PLD1: variants seen among roughly 807,000 people sequenced by gnomAD.
PLD1 encodes the protein phospholipase D1, also known as choline phosphatase 1.
Under a neutral mutation model 137.1 loss-of-function variants are expected in PLD1, and 112 were observed. That is an observed-to-expected ratio of 0.82 (90% CI 0.70 to 0.96). The LOEUF is 0.96. PLD1 is among the 40% of genes least tolerant of loss of function. PLD1 has a pLI of 0.00. For missense variants in PLD1, 1,321 were observed against 1,342.0 expected (o/e 0.98, Z 0.24); for synonymous variants, 431 against 454.7 (o/e 0.95, Z 0.66).
At chr3:171,764,161 G>A (rs930535994) in intron 1 of PLD1, among the ~76,000 whole-genome samples, 8 of 152,056 alleles carry the variant, frequency 5.3e-5, no homozygotes, top group African/African-American at 1.7e-4. Flanking sequence ...TTTTAGTAGA[G>A]ATGGAGTTTC....
At chr3:171,659,458 C>T (rs940316783) in intron 20 of PLD1, among the ~76,000 whole-genome samples, 157 bp from the exon 21 acceptor site, 3 of 152,120 alleles carry the variant, frequency 2.0e-5, no homozygotes, top group East Asian at 1.9e-4. Flanking sequence ...GAAAAAAAGC[C>T]GCCTCATCTC....
At chr3:171,740,248 AC>A (rs932948969) in intron 1 of PLD1, among the ~76,000 whole-genome samples, 1 of 151,334 alleles carries the variant, frequency 6.6e-6, no homozygotes, top group African/African-American at 2.5e-5. Context: ...ATGTTTTCTA[AC>A]CTGGATAACT....
Position 171,662,096 on chromosome 3 carries a change from A to G in PLD1, c.2304T>C (p.His768=), listed in dbSNP as rs1393312316. Residue 768 remains histidine, a synonymous_variant, in exon 20 of 27, where the codon CAT becomes CAC. Transcript: ENST00000351298. ...HEESIHAAYV[H]VIENSRHYIY... ...TATAGTGCCTGCTGTTCTCTATCAC[A>G]TGGACGTAAGCGGCGTGGATGGACT... 5 of 1,612,754 alleles carry G rather than the reference A, an allele frequency of 3.1e-6. No individual in the cohort carries two copies. In the Admixed American group the frequency reaches 5.0e-5, roughly 16 times the overall value.
intron 1 of PLD1, among the ~76,000 whole-genome samples, chr3:171,764,879 GAAA>G (rs1292507139): frequency 0.048 from 1,184 of 24,720 alleles, 141 homozygotes; most frequent in African/African-American, 0.074. Flanking sequence ...AAGAAAGAAA[GAAA>G]GAAAGAAAGA....
In PLD1 at chr3:171,715,980, C is replaced by A. The variant is rs528361313; in HGVS notation, c.759-1935G>T. ...GTTGCCGTCTTTGTGTCCATGAGTT[C>A]TCGTTATTTAGCTCCCAGTTATAAG... is the stretch of plus-strand genomic sequence containing the variant. On this transcript the variant is annotated intron_variant, in intron 8 of 26. Coordinates refer to ENST00000351298, the MANE Select transcript of PLD1 (RefSeq NM_002662.5). Among the ~76,000 whole-genome samples the A allele has an allele frequency of 5.5e-5, 8 of 146,680 alleles. No homozygotes were observed. In the South Asian group the frequency reaches 1.8e-3, roughly 32 times the overall value.
intron 21 of PLD1, among the ~76,000 whole-genome samples, chr3:171,650,572 G>GAAT (rs1409292152): frequency 6.6e-6 from 1 of 152,122 alleles, no homozygotes; most frequent in East Asian, 1.9e-4. Context: ...CCCTGATGCT[G>GAAT]AATATAGAAG....
At chr3:171,773,568 C>T (rs1304841048) in intron 1 of PLD1, among the ~76,000 whole-genome samples, 3 of 152,048 alleles carry the variant, frequency 2.0e-5, no homozygotes, top group Non-Finnish European at 4.4e-5. Context: ...TGCCATTGCA[C>T]TCCAGCCTGG....
At chr3:171,624,981 T>A (rs534767881) in intron 23 of PLD1, among the ~76,000 whole-genome samples, 3 of 152,268 alleles carry the variant, frequency 2.0e-5, no homozygotes, top group Non-Finnish European at 4.4e-5. Flanking sequence ...AGGAATGGCA[T>A]TTATTTAAAT....
At chr3:171,707,871 G>C (rs886311917) in intron 11 of PLD1, among the ~76,000 whole-genome samples, 1 of 152,166 alleles carries the variant, frequency 6.6e-6, no homozygotes, top group Non-Finnish European at 1.5e-5. Context: ...GACAACCGAA[G>C]CAAAAGATGT....
At position 171,735,062 on chromosome 3, in the gene PLD1, G is replaced by A; in HGVS notation, c.435-92C>T. Reference sequence around the variant, plus strand: ...CTTTCATGAGACGGCATATTTTTAAGAGACTATTTAATTGAAAATATCTAC... The same window carrying A: ...CTTTCATGAGACGGCATATTTTTAAAAGACTATTTAATTGAAAATATCTAC... On this transcript the variant is annotated intron_variant, in intron 4 of 26. Transcript: ENST00000351298. 9.7e-6 allele frequency: 7 copies of A among 723,200 alleles called. 1 individual carries two copies. Among genetic ancestry groups the A allele is most frequent in the South Asian group, 8.3e-5 (5 of 60,480 alleles). 44.8% of individuals were successfully genotyped at this position (723,200 alleles called of 1,614,324 possible). A position where few individuals can be genotyped will look rare whatever the true frequency, so the allele number is the denominator to read the frequency against.
At chr3:171,768,163 G>A (rs966752777) in intron 1 of PLD1, among the ~76,000 whole-genome samples, 1 of 152,040 alleles carries the variant, frequency 6.6e-6, no homozygotes, top group African/African-American at 2.4e-5. Flanking sequence ...GGAGCTCTGT[G>A]GTCAGATCAG....
At chr3:171,607,785 T>C (rs1336534575) in intron 25 of PLD1, among the ~76,000 whole-genome samples, 1 of 152,214 alleles carries the variant, frequency 6.6e-6, no homozygotes, top group Non-Finnish European at 1.5e-5. Flanking sequence ...GTGATGGTTA[T>C]ATCTGCAAAG....
At chr3:171,664,585 G>A (rs1467386745) in intron 19 of PLD1, among the ~76,000 whole-genome samples, 1 of 151,868 alleles carries the variant, frequency 6.6e-6, no homozygotes, top group Admixed American at 6.6e-5. Flanking sequence ...AGCGTCCCAA[G>A]TAGCTGGGAT....
intron 13 of PLD1, 51 bp from the exon 14 acceptor site, chr3:171,688,927 T>C (rs753229096): frequency 5.0e-6 from 7 of 1,391,806 alleles, no homozygotes; most frequent in Non-Finnish European, 7.1e-6. Context: ...ATGTCCTTCC[T>C]GTCATAATGA....
intron 6 of PLD1, among the ~76,000 whole-genome samples, chr3:171,730,167 C>T (rs748176879): frequency 9.8e-5 from 15 of 152,312 alleles, no homozygotes; most frequent in Admixed American, 8.5e-4. Flanking sequence ...GAGTTCTCTA[C>T]TACAGCCAGC....
chr3:171,653,817 A>T (rs2108411848), intron 21 of PLD1: 1 of 155,792 alleles, frequency 6.4e-6, no homozygotes, highest in East Asian at 1.9e-4. Context: ...ACATATATTC[A>T]TATAAGCTAC....
chr3:171,692,450 A>G lies in PLD1; in HGVS notation c.1228-8T>C, dbSNP rs375751896. 1.8e-5 allele frequency: 25 copies of G among 1,362,612 alleles called. No individual in the cohort carries two copies. The highest frequency in any genetic ancestry group is 2.9e-5 in the African/African-American group (2 of 70,114). The allele number at this position is 1,362,612 out of a possible 1,614,324, so 84.4% of individuals were successfully genotyped here. A position where few individuals can be genotyped will look rare whatever the true frequency, so the allele number is the denominator to read the frequency against. ...GATCCTCACTCCTTGTTGCTGTCACAGGAGAAAACCGATGGAGGAATGAGT... is the reference window on the plus strand; with the variant it reads ...GATCCTCACTCCTTGTTGCTGTCACGGGAGAAAACCGATGGAGGAATGAGT... On this transcript the variant is annotated splice_polypyrimidine_tract_variant and splice_region_variant and intron_variant, in intron 12 of 26. Coordinates refer to ENST00000351298, the MANE Select transcript of PLD1 (RefSeq NM_002662.5).
intron 1 of PLD1, among the ~76,000 whole-genome samples, chr3:171,799,685 C>T (rs1578484605): frequency 6.6e-6 from 1 of 152,152 alleles, no homozygotes; most frequent in East Asian, 1.9e-4. Flanking sequence ...ACATTACACA[C>T]ACAACTTCAG....
chr3:171,661,369 ATGATT>A (rs1341373309), intron 20 of PLD1, among the ~76,000 whole-genome samples: 4 of 152,190 alleles, frequency 2.6e-5, no homozygotes, highest in Non-Finnish European at 5.9e-5. Flanking sequence ...AAATTATGCT[ATGATT>A]TATTTTTTCC....
Sources: gnomAD v4.1 joint callset for allele counts (sites outside exome capture counted in the v4.1 genomes callset) on GRCh38, gnomAD v4.1.1 for gene constraint, MANE v1.5 for transcripts, NCBI Gene and HGNC (gene_info 2026-07-23, HGNC 2026-07-21) for gene names.